RNF32: variants seen among roughly 807,000 people sequenced by gnomAD.
RNF32 encodes the protein ring finger protein 32.
A neutral mutation model predicts 41.0 loss-of-function variants in RNF32; 36 were observed. The ratio of observed to expected loss-of-function variants is 0.88; its 90% CI spans 0.67 to 1.16. RNF32 has a LOEUF of 1.16. Ranked by LOEUF, RNF32 falls within the 50% of genes most tolerant of loss-of-function variation. The probability of loss-of-function intolerance (pLI) is 0.00; values close to 1 mark genes in which losing one functional copy is unlikely to be tolerated. For synonymous variants in RNF32, 154 were observed against 160.9 expected (o/e 0.96, Z 0.32); for missense variants, 413 against 436.7 (o/e 0.95, Z 0.48).
At chr7:156,668,179 AGT>A (rs1277713948) in intron 7 of RNF32, among the ~76,000 whole-genome samples, 1 of 152,198 alleles carries the variant, frequency 6.6e-6, no homozygotes, top group Non-Finnish European at 1.5e-5. Flanking sequence ...CACAGGAAAA[AGT>A]TAACACTGGG....
At chr7:156,660,130 G>A (rs1472622396) in intron 7 of RNF32, 6 of 985,734 alleles carry the variant, frequency 6.1e-6, no homozygotes, top group East Asian at 1.1e-4. Flanking sequence ...GGAACGCCCC[G>A]CTCTGATCCC....
chr7:156,675,636 C>G, intron 7 of RNF32, 60 bp from the exon 8 acceptor site: 1 of 1,489,332 alleles, frequency 6.7e-7, no homozygotes, highest in African/African-American at 1.4e-5. Flanking sequence ...CTCGAGAGCG[C>G]TTCCCTGCAA....
chr7:156,656,809 C>A (rs932177110), intron 4 of RNF32, among the ~76,000 whole-genome samples: 19 of 152,350 alleles, frequency 1.2e-4, no homozygotes, highest in African/African-American at 4.3e-4. Context: ...CTTTCCTCCC[C>A]GTTGCTGAAA....
intron 8 of RNF32, 34 bp downstream of exon 8, chr7:156,675,897 C>T (rs773837953): frequency 1.9e-6 from 3 of 1,600,138 alleles, no homozygotes; most frequent in East Asian, 4.5e-5. Context: ...AACCAGCAGA[C>T]TCAGCTGCAG....
chr7:156,667,029 A>G (rs1215690536), intron 7 of RNF32, among the ~76,000 whole-genome samples: 1 of 152,088 alleles, frequency 6.6e-6, no homozygotes, highest in Non-Finnish European at 1.5e-5. Flanking sequence ...GACTTTTTTC[A>G]TTTACATCTC....
chr7:156,653,152 T>G (rs1393842834), intron 3 of RNF32, among the ~76,000 whole-genome samples: 1 of 152,052 alleles, frequency 6.6e-6, no homozygotes, highest in Non-Finnish European at 1.5e-5. Context: ...TCATGGTGAG[T>G]GCCCTACACA....
rs1267010807 is a variant in RNF32 at position 156,676,750 on chromosome 7, A to C, written c.*95A>C. 1 of 866,598 alleles carries C rather than the reference A, an allele frequency of 1.2e-6. No homozygotes were observed. The highest frequency in any genetic ancestry group is 2.4e-5 in the East Asian group (1 of 40,962). The allele number at this position is 866,598 out of a possible 1,614,324, so 53.7% of individuals were successfully genotyped here. On this transcript the variant is annotated 3_prime_UTR_variant, in exon 9 of 9. Coordinates refer to ENST00000317955, the MANE Select transcript of RNF32 (RefSeq NM_030936.4). ...AGTTCTGGGTTAAGTACTACAATGTAATCTGTTTCCCAGGGAAATAAGCTA... is the reference window on the plus strand; with the variant it reads ...AGTTCTGGGTTAAGTACTACAATGTCATCTGTTTCCCAGGGAAATAAGCTA...
intron 7 of RNF32, among the ~76,000 whole-genome samples, chr7:156,675,000 C>A (rs144099939): frequency 5.7e-4 from 87 of 152,302 alleles, no homozygotes; most frequent in African/African-American, 2.0e-3. Flanking sequence ...CTCCTAAATT[C>A]TTCAGCTGGA....
At position 156,670,235 on chromosome 7, in the gene RNF32, G is replaced by A. The variant is rs778055236; in HGVS notation, c.685-5461G>A. ...CACACACATTTCCTTCTTTGCAGAG[G>A]AGCTGGATGCTAAGCACGGCTGGCT... On this transcript the variant is annotated intron_variant, in intron 7 of 8. Coordinates refer to ENST00000317955, the MANE Select transcript of RNF32 (RefSeq NM_030936.4). This position sits in a 1 kb window ranked among gnomAD's most constrained non-coding sequence, Gnocchi z 4.3. Among the ~76,000 whole-genome samples, 3 of 152,170 alleles carry A rather than the reference G, an allele frequency of 2.0e-5. No individual in the cohort carries two copies. Among genetic ancestry groups the A allele is most frequent in the Non-Finnish European group, 4.4e-5 (3 of 68,030 alleles).
chr7:156,653,940 A>G (rs1171229429), intron 3 of RNF32, among the ~76,000 whole-genome samples: 1 of 152,210 alleles, frequency 6.6e-6, no homozygotes, highest in African/African-American at 2.4e-5. Context: ...AACTTGGGCC[A>G]ATACGTGTGA....
chr7:156,664,916 G>A lies in RNF32; in HGVS notation c.684+6346G>A, dbSNP rs147657210. Among the ~76,000 whole-genome samples, 198 of 152,122 alleles carry A rather than the reference G, an allele frequency of 1.3e-3. 1 individual carries two copies. The highest frequency in any genetic ancestry group is 4.5e-3 in the African/African-American group (185 of 41,530). On this transcript the variant is annotated intron_variant, in intron 7 of 8. Transcript: ENST00000317955. ...AACAAACATATGTTTCAGTAAAAAA[G>A]AGAAAATTGAACTGCTTTCCTTTAA...
intron 5 of RNF32, among the ~76,000 whole-genome samples, chr7:156,657,866 C>T (rs570870897): frequency 9.2e-5 from 14 of 152,290 alleles, no homozygotes; most frequent in African/African-American, 2.4e-4. Context: ...CATACACACG[C>T]GTGACTCACC....
At chr7:156,658,788 TA>T in intron 7 of RNF32, 1 of 1,006,384 alleles carries the variant, frequency 9.9e-7, no homozygotes, top group East Asian at 2.6e-5. Context: ...AGTTAAATCA[TA>T]AAATTAGGTT....
chr7:156,654,837 C>A, intron 4 of RNF32, 119 bp downstream of exon 4: 1 of 855,452 alleles, frequency 1.2e-6, no homozygotes, highest in East Asian at 2.5e-5. Flanking sequence ...CTGTGTGAGC[C>A]TCACACACTT....
At chr7:156,658,680 G>C in intron 7 of RNF32, 110 bp downstream of exon 7, 1 of 823,800 alleles carries the variant, frequency 1.2e-6, no homozygotes, top group Non-Finnish European at 2.0e-6. Context: ...TTCACTTTGA[G>C]GGCTTTTTAA....
intron 7 of RNF32, among the ~76,000 whole-genome samples, chr7:156,666,335 T>A (rs1801336875): frequency 6.6e-6 from 1 of 152,202 alleles, no homozygotes; most frequent in African/African-American, 2.4e-5. Context: ...TTTCTTTAGT[T>A]TTCATGCACC....
chr7:156,673,758 T>TA (rs1305434098), intron 7 of RNF32, among the ~76,000 whole-genome samples: 1 of 152,174 alleles, frequency 6.6e-6, no homozygotes, highest in Non-Finnish European at 1.5e-5. Context: ...AGGCAGCTCA[T>TA]AGTCTCCACA....
At chr7:156,660,288 A>G (rs184898266) in intron 7 of RNF32, 11,980 of 984,134 alleles carry the variant, frequency 0.012, 103 homozygotes, top group Non-Finnish European at 0.014. Flanking sequence ...CTAAACCTCT[A>G]TTGTATGTTT....
intron 7 of RNF32, chr7:156,659,938 C>CA (rs1800360356): frequency 1.0e-6 from 1 of 985,352 alleles, no homozygotes; most frequent in Non-Finnish European, 1.2e-6. Context: ...ACAAGTTCCT[C>CA]AGTTTCTAAT....
Sources: allele counts gnomAD v4.1 joint callset (sites outside exome capture counted in the v4.1 genomes callset), GRCh38; gene constraint gnomAD v4.1.1; non-coding constraint Gnocchi (gnomAD v3.1); transcripts MANE v1.5; gene names NCBI Gene and HGNC (gene_info 2026-07-23, HGNC 2026-07-21).